The following ZC3H13 variants were observed in gnomAD, a reference collection of about 807,000 sequenced individuals.
ZC3H13 encodes the protein zinc finger CCCH domain-containing protein 13.
In ZC3H13, 64 loss-of-function variants were observed where a neutral mutation model predicts 204.1. The observed-to-expected ratio is 0.31, with a 90% confidence interval of 0.26 to 0.39. The LOEUF (loss-of-function observed/expected upper bound fraction) is 0.39. Ranked by LOEUF, ZC3H13 falls within the 10% of genes least tolerant of loss-of-function variation. ZC3H13 has a pLI of 1.00. For synonymous variants in ZC3H13, 667 were observed against 693.7 expected, an observed-to-expected ratio of 0.96 and a Z score of 0.60; for missense variants, 1,833 against 2,082.7, an observed-to-expected ratio of 0.88 and a Z score of 2.33.
chr13:46,041,563 A>G (rs910248431), intron 4 of ZC3H13, among the ~76,000 whole-genome samples: 1 of 152,174 alleles, frequency 6.6e-6, no homozygotes, highest in African/African-American at 2.4e-5. Context: ...ACTGTATGGT[A>G]TGTGAAATAT....
chr13:46,020,222 A>G (rs923417643), intron 5 of ZC3H13, among the ~76,000 whole-genome samples: 1 of 152,150 alleles, frequency 6.6e-6, no homozygotes, highest in Non-Finnish European at 1.5e-5. Context: ...TTCTAGAGGG[A>G]AAACTAGGAA....
intron 12 of ZC3H13, 53 bp downstream of exon 12, chr13:45,975,230 T>C: frequency 7.1e-6 from 11 of 1,556,102 alleles, no homozygotes; most frequent in African/African-American, 1.4e-5. Flanking sequence ...AATGAAACTT[T>C]GAATTCTTTC....
At chr13:46,031,246 A>G (rs2042879705) in intron 4 of ZC3H13, among the ~76,000 whole-genome samples, 1 of 152,096 alleles carries the variant, frequency 6.6e-6, no homozygotes, top group African/African-American at 2.4e-5. Context: ...AAATAAATAA[A>G]TAAAAAGAAT....
chr13:46,041,291 C>T (rs752690049), intron 4 of ZC3H13, among the ~76,000 whole-genome samples: 2 of 151,928 alleles, frequency 1.3e-5, no homozygotes, highest in African/African-American at 2.4e-5. Flanking sequence ...TTTCACGAAC[C>T]TTGAAAAGGT....
chr13:46,009,605 T>G (rs1243717569), intron 7 of ZC3H13, among the ~76,000 whole-genome samples: 1 of 140,598 alleles, frequency 7.1e-6, no homozygotes, highest in Non-Finnish European at 1.6e-5. Flanking sequence ...ATATTTTTAG[T>G]TCATTTTTTT....
chr13:46,020,485 C>A lies in ZC3H13; in HGVS notation c.412G>T (p.Glu138Ter), dbSNP rs1185073778. 6.2e-7 allele frequency: 1 copy of A among 1,610,992 alleles called. No homozygotes were observed. Among genetic ancestry groups the A allele is most frequent in the Non-Finnish European group, 8.5e-7 (1 of 1,178,690 alleles). ...KITKERTPES[E>*]EENVEWETNR... ...GTTTCCCATTCTACATTTTCTTCTT[C>A]ACTTTCTGGAGTTCTTTCCTTAGTG... Residue 138 changes from glutamate to a stop codon, truncating the protein, a stop_gained, in exon 5 of 19, where the codon GAA becomes TAA. Transcript: ENST00000679008. LOFTEE classifies it high-confidence loss of function.
chr13:45,963,750 T>A, intron 17 of ZC3H13, 92 bp downstream of exon 17: 1 of 1,562,080 alleles, frequency 6.4e-7, no homozygotes, highest in Non-Finnish European at 8.6e-7. Flanking sequence ...CTACACAGTG[T>A]TAAGTGCTAC....
At chr13:45,963,380 G>A (rs1728653056) in intron 17 of ZC3H13, 1 of 987,326 alleles carries the variant, frequency 1.0e-6, no homozygotes, top group African/African-American at 1.7e-5. Context: ...ATTTAGCCAA[G>A]GGCAAACCAC....
chr13:46,048,211 C>T (rs2044115246), intron 1 of ZC3H13, among the ~76,000 whole-genome samples: 1 of 152,192 alleles, frequency 6.6e-6, no homozygotes, highest in African/African-American at 2.4e-5. Context: ...CTGATTCGCA[C>T]TACTCTCCTC....
chr13:46,024,181 T>C (rs1032474610), intron 4 of ZC3H13, among the ~76,000 whole-genome samples: 3 of 152,194 alleles, frequency 2.0e-5, no homozygotes, highest in African/African-American at 4.8e-5. Context: ...TGGCACTTCA[T>C]AGTACACTTC....
Position 45,985,474 on chromosome 13 carries a change from T to A in ZC3H13, c.1543A>T (p.Thr515Ser), listed in dbSNP as rs1954092665. The change falls in exon 10 of 19, where the codon ACT (threonine) becomes TCT (serine). Residue 515 changes from threonine (T) to serine (S), a missense_variant. Coordinates refer to ENST00000679008, the MANE Select transcript of ZC3H13 (RefSeq NM_001330564.2). ...HDYRDREGRD[T>S]HRKEDTYPEE... is the part of the protein sequence containing the mutation. Reference sequence around the variant, plus strand: ...GGATATGTATCCTCCTTTCGATGAGTATCTCGACCTTCACGGTCCCTGTAG... The same window carrying A: ...GGATATGTATCCTCCTTTCGATGAGAATCTCGACCTTCACGGTCCCTGTAG... 1 of 1,614,220 alleles carries A rather than the reference T, an allele frequency of 6.2e-7. No homozygotes were observed.
At chr13:46,045,250 C>T (rs2043868081) in intron 2 of ZC3H13, 141 bp downstream of exon 2, 8 of 997,340 alleles carry the variant, frequency 8.0e-6, no homozygotes, top group Non-Finnish European at 1.2e-5. Flanking sequence ...CTTTTCACTT[C>T]TTTTTATAAA....
chr13:45,958,755 C>T (rs540782061), intron 18 of ZC3H13, among the ~76,000 whole-genome samples: 26 of 149,144 alleles, frequency 1.7e-4, no homozygotes, highest in South Asian at 1.5e-3. Context: ...TCCTGGTTTA[C>T]GCCATTCTCC....
At chr13:46,013,910 C>T (rs1330507692) in intron 5 of ZC3H13, among the ~76,000 whole-genome samples, 4 of 151,928 alleles carry the variant, frequency 2.6e-5, no homozygotes, top group Admixed American at 2.0e-4. Flanking sequence ...ATTAACAGAA[C>T]AGGTAAAGGA....
Position 45,967,564 on chromosome 13 carries a change from G to C in ZC3H13, c.4261C>G (p.Leu1421Val). The C allele has an allele frequency of 6.2e-7, 1 of 1,609,422 alleles. No homozygotes were observed. The highest frequency in any genetic ancestry group is 8.5e-7 in the Non-Finnish European group (1 of 1,178,010). Residue 1421 changes from leucine to valine, a missense_variant, in exon 15 of 19, where the codon CTG (leucine) becomes GTG (valine). Physicochemically the swap from Leu to Val is conservative, Grantham distance 32 (BLOSUM62 1). Transcript: ENST00000679008. ...ALDKERMDKD[L>V]GSVQGFEETN... ...TCTTCAAATCCCTGCACAGATCCCAGATCTTTATCCATTCTCTCTTTATCC... is the reference window on the plus strand; with the variant it reads ...TCTTCAAATCCCTGCACAGATCCCACATCTTTATCCATTCTCTCTTTATCC...
Position 45,985,550 on chromosome 13 carries a change from G to T in ZC3H13, c.1467C>A (p.Thr489=). 1 of 1,614,020 alleles carries T rather than the reference G, an allele frequency of 6.2e-7. No individual in the cohort carries two copies. Among genetic ancestry groups the T allele is most frequent in the Non-Finnish European group, 8.5e-7 (1 of 1,180,012 alleles). Residue 489 remains threonine (T), a synonymous_variant, in exon 10 of 19, where the codon ACC becomes ACA. Coordinates refer to ENST00000679008, the MANE Select transcript of ZC3H13 (RefSeq NM_001330564.2). ...SREMRDYSRD[T]KESRDPRDSR... ...AATCTCTGGGATCACGGCTCTCTTT[G>T]GTATCTCTGCTATAATCTCTCATCT...
At chr13:45,981,968 T>G (rs888046050) in intron 10 of ZC3H13, among the ~76,000 whole-genome samples, 1 of 151,354 alleles carries the variant, frequency 6.6e-6, no homozygotes, top group East Asian at 1.9e-4. Context: ...TGTATACATA[T>G]GTAACTAACC....
chr13:45,970,577 G>T, intron 12 of ZC3H13, 112 bp from the exon 13 acceptor site: 2 of 783,854 alleles, frequency 2.6e-6, no homozygotes, highest in Non-Finnish European at 4.1e-6. Context: ...TTGTAGGAAA[G>T]CAATATTGCC....
At chr13:46,025,246 G>A (rs2042470796) in intron 4 of ZC3H13, among the ~76,000 whole-genome samples, 1 of 152,090 alleles carries the variant, frequency 6.6e-6, no homozygotes, top group African/African-American at 2.4e-5. Flanking sequence ...GCAAAACTTT[G>A]TTTTCTTCTC....
Sources: gnomAD v4.1 joint callset for allele counts (sites outside exome capture counted in the v4.1 genomes callset) on GRCh38, gnomAD v4.1.1 for gene constraint, MANE v1.5 for transcripts, NCBI Gene and HGNC (gene_info 2026-07-23, HGNC 2026-07-21) for gene names.